The following FKBP1C variants were observed in gnomAD, a reference collection of about 807,000 sequenced individuals.
FKBP1C encodes the protein peptidyl-prolyl cis-trans isomerase FKBP1C.
A neutral mutation model predicts 7.1 loss-of-function variants in FKBP1C; 7 were observed. The ratio of observed to expected loss-of-function variants is 0.99; its 90% CI spans 0.56 to 1.86. FKBP1C has a LOEUF of 1.86. FKBP1C is among the 40% of genes most tolerant of loss of function. The pLI, the probability that FKBP1C is intolerant of heterozygous loss-of-function variation, is 0.00. For synonymous variants in FKBP1C, 56 were observed against 51.2 expected, an observed-to-expected ratio of 1.09 and a Z score of -0.40; for missense variants, 159 against 139.9, an observed-to-expected ratio of 1.14 and a Z score of -0.69.
chr6:63,211,886 G>A (rs1766110443), exon 1 of FKBP1C: 4 of 1,612,694 alleles, frequency 2.5e-6, no homozygotes, highest in East Asian at 4.5e-5. Context: ...TGGAATGACA[G>A]GAATGGCCTC....
At chr6:63,212,191 A>G in exon 1 of FKBP1C, 2 of 537,794 alleles carry the variant, frequency 3.7e-6, no homozygotes, top group East Asian at 3.2e-5. Context: ...TAGGTTTCCA[A>G]TTAAGTACAT....
downstream of FKBP1C, chr6:63,213,024 A>AAATTAAAT (rs1766128890): frequency 6.5e-6 from 1 of 154,082 alleles, no homozygotes; most frequent in Non-Finnish European, 1.5e-5. Context: ...CTTTTCTCAA[A>AAATTAAAT]AAATAAATAA....
exon 1 of FKBP1C, chr6:63,211,630 T>C: frequency 6.2e-7 from 1 of 1,611,642 alleles, no homozygotes; most frequent in Non-Finnish European, 8.5e-7. Flanking sequence ...ACCTGCGTGA[T>C]GCACTACACC....
chr6:63,211,532 C>A (rs538500009), exon 1 of FKBP1C: 5 of 1,009,242 alleles, frequency 5.0e-6, no homozygotes, highest in African/African-American at 1.6e-5. Context: ...TCGCGCTGCC[C>A]GCCCGCTCGG....
rs768207974 is a variant in FKBP1C, at chr6:63,211,773, G to A, written c.217G>A (p.Ala73Thr). Reference sequence around the variant, plus strand: ...TGTCCAGATGAGTGTGGGTCAGAGAGCCAAACTGACTATATCTCCAGATTA... The same window carrying A: ...TGTCCAGATGAGTGTGGGTCAGAGAACCAAACTGACTATATCTCCAGATTA... The change falls in exon 1 of 1, where the codon GCC (alanine) becomes ACC (threonine). Residue 73 changes from alanine (A) to threonine (T), a missense_variant. By Grantham distance (58) the Ala-to-Thr change is moderately conservative (BLOSUM62 0). Coordinates refer to ENST00000370659, the Ensembl canonical transcript of FKBP1C. 9 of 1,613,930 alleles carry A rather than the reference G, an allele frequency of 5.6e-6. No homozygotes were observed. The South Asian group carries it at 7.7e-5, about 14-fold the overall frequency.
At chr6:63,211,974 A>T in exon 1 of FKBP1C, 1 of 1,409,814 alleles carries the variant, frequency 7.1e-7, no homozygotes. Flanking sequence ...ATCCATATGG[A>T]GCTTTTCCTG....
At chr6:63,211,906 C>G in exon 1 of FKBP1C, 1 of 1,611,278 alleles carries the variant, frequency 6.2e-7, no homozygotes, top group Non-Finnish European at 8.5e-7. Context: ...CCTCCCTTAG[C>G]TCCCTGTTCT....
exon 1 of FKBP1C, chr6:63,211,952 G>T: frequency 6.5e-7 from 1 of 1,531,960 alleles, no homozygotes. Context: ...GCCTCCAGAC[G>T]TGTGCACATA....
At chr6:63,212,067 C>T in exon 1 of FKBP1C, 2 of 697,192 alleles carry the variant, frequency 2.9e-6, no homozygotes, top group South Asian at 3.6e-5. Context: ...CCTCTGTTTC[C>T]TCTTCCCCTT....
chr6:63,211,493 G>A lies in FKBP1C; in HGVS notation c.-64G>A, dbSNP rs145322889. 1.9e-4 allele frequency: 125 copies of A among 660,852 alleles called. 1 individual carries two copies. The highest frequency in any genetic ancestry group is 2.9e-4 in the Admixed American group (11 of 38,498). 40.9% of individuals were successfully genotyped at this position (660,852 alleles called of 1,614,324 possible). On this transcript the variant is annotated 5_prime_UTR_variant, in exon 1 of 1. Coordinates refer to ENST00000370659, the Ensembl canonical transcript of FKBP1C. ...GACTAGGCAGAGCCGTGGAACCGCC[G>A]CCAGGTCGCTGTCGGTCCACGCCGC...
At chr6:63,211,557 A>C in exon 1 of FKBP1C, 3 of 1,294,998 alleles carry the variant, frequency 2.3e-6, no homozygotes, top group East Asian at 2.4e-5. Context: ...GGCCGCCGCC[A>C]TGGGAGTGCA....
At chr6:63,211,610 G>A in exon 1 of FKBP1C, 1 of 1,592,852 alleles carries the variant, frequency 6.3e-7, no homozygotes. Flanking sequence ...CCTTCCCGAA[G>A]CGCAGCCAGA....
chr6:63,212,133 T>C, exon 1 of FKBP1C: 1 of 603,106 alleles, frequency 1.7e-6, no homozygotes, highest in Non-Finnish European at 3.0e-6. Context: ...AGTTATTCAT[T>C]TTACTTTTTC....
exon 1 of FKBP1C, chr6:63,211,596 C>A (rs200375360): frequency 2.6e-6 from 4 of 1,551,304 alleles, no homozygotes; most frequent in South Asian, 1.1e-5. Context: ...AGGAGACTGG[C>A]GCACCTTCCC....
exon 1 of FKBP1C, chr6:63,211,963 A>G (rs1766111577): frequency 6.7e-7 from 1 of 1,495,060 alleles, no homozygotes; most frequent in Non-Finnish European, 9.3e-7. Context: ...TGTGCACATA[A>G]ATCCATATGG....
chr6:63,211,937 C>G (rs952187903), exon 1 of FKBP1C: 1 of 1,588,406 alleles, frequency 6.3e-7, no homozygotes, highest in African/African-American at 1.3e-5. Context: ...ATGGAGGGAT[C>G]TGGTGCCTCC....
exon 1 of FKBP1C, chr6:63,212,201 T>C: frequency 1.9e-6 from 1 of 514,524 alleles, no homozygotes; most frequent in Non-Finnish European, 3.6e-6. Context: ...ATTAAGTACA[T>C]GGTCAAGTGT....
At chr6:63,211,992 A>T in exon 1 of FKBP1C, 2 of 1,297,616 alleles carry the variant, frequency 1.5e-6, no homozygotes, top group Admixed American at 1.9e-5. Context: ...CTGATGTTCC[A>T]CTCCACTTTG....
chr6:63,211,927 A>G (rs55755829), exon 1 of FKBP1C: 27 of 1,606,178 alleles, frequency 1.7e-5, no homozygotes, highest in African/African-American at 1.1e-4. Flanking sequence ...TGGATCTGCC[A>G]TGGAGGGATC....
Sources: allele counts gnomAD v4.1 joint callset, GRCh38; gene constraint gnomAD v4.1.1; transcripts MANE v1.5; gene names NCBI Gene and HGNC (gene_info 2026-07-23, HGNC 2026-07-21).